CDH13: variants seen among roughly 807,000 people sequenced by gnomAD.
The protein encoded by CDH13 is cadherin-13.
A neutral mutation model predicts 63.8 loss-of-function variants in CDH13; 24 were observed. That is an observed-to-expected ratio of 0.38 (90% CI 0.27 to 0.53). The LOEUF is 0.53. Ranked by LOEUF, CDH13 falls within the 20% of genes least tolerant of loss-of-function variation. CDH13 has a pLI of 0.85. For synonymous variants in CDH13, 503 were observed against 355.3 expected (o/e 1.42, Z -4.67); for missense variants, 1,049 against 903.1 (o/e 1.16, Z -2.07).
intron 6 of CDH13, among the ~76,000 whole-genome samples, chr16:83,416,723 A>C (rs2071560164): frequency 6.6e-6 from 1 of 152,196 alleles, no homozygotes; most frequent in South Asian, 2.1e-4. Flanking sequence ...AGTGCAGAGC[A>C]GAAAGATGAA....
chr16:83,046,161 T>A (rs891795314), intron 3 of CDH13, among the ~76,000 whole-genome samples: 1 of 152,230 alleles, frequency 6.6e-6, no homozygotes, highest in African/African-American at 2.4e-5. Context: ...AATAGAAACC[T>A]CTTTTCCTCT....
At chr16:82,902,410 C>T (rs758803893) in intron 2 of CDH13, among the ~76,000 whole-genome samples, 1 of 151,356 alleles carries the variant, frequency 6.6e-6, no homozygotes, top group Non-Finnish European at 1.5e-5. Context: ...AAAGTCCCAG[C>T]ATTAGTTGAG....
intron 6 of CDH13, among the ~76,000 whole-genome samples, chr16:83,420,067 GC>G (rs1318102768): frequency 6.6e-6 from 1 of 151,856 alleles, no homozygotes; most frequent in Non-Finnish European, 1.5e-5. Flanking sequence ...TAAATAGAGG[GC>G]AAAGAATTTC....
chr16:83,690,606 C>T (rs527540293), intron 10 of CDH13, among the ~76,000 whole-genome samples: 4 of 152,240 alleles, frequency 2.6e-5, no homozygotes, highest in Admixed American at 1.3e-4. Context: ...GAGACAGAGG[C>T]AGAGCAGAGG....
rs1567617441 is a variant in CDH13 at position 83,362,038 on chromosome 16, A to G, written c.781+17032A>G. On this transcript the variant is annotated intron_variant, in intron 6 of 13. Coordinates refer to ENST00000567109, the MANE Select transcript of CDH13 (RefSeq NM_001257.5). ...CAGTATCTCATCTGTTTTTGTGTTT[A>G]TCTCACTTTAAGGAATCTCCATCTA... Among the ~76,000 whole-genome samples, 6 of 152,138 alleles carry G rather than the reference A, an allele frequency of 3.9e-5. No individual in the cohort carries two copies. In the South Asian group the frequency reaches 1.2e-3, roughly 31 times the overall value.
chr16:83,115,709 G>A (rs1224453690), intron 3 of CDH13, among the ~76,000 whole-genome samples: 2 of 152,236 alleles, frequency 1.3e-5, no homozygotes, highest in Non-Finnish European at 2.9e-5. Flanking sequence ...CTTCTGCAAT[G>A]CTTTGCCTTG....
intron 10 of CDH13, among the ~76,000 whole-genome samples, chr16:83,695,727 C>A (rs918166287): frequency 6.6e-6 from 1 of 152,062 alleles, no homozygotes; most frequent in African/African-American, 2.4e-5. Flanking sequence ...TGAACAGTAA[C>A]TAAATAGAAA....
intron 5 of CDH13, among the ~76,000 whole-genome samples, chr16:83,273,862 G>A (rs1307799868): frequency 1.3e-5 from 2 of 152,136 alleles, no homozygotes; most frequent in Admixed American, 6.5e-5. Context: ...GGGTGAAAAG[G>A]CCACCCTTGA....
intron 7 of CDH13, among the ~76,000 whole-genome samples, chr16:83,563,609 G>A (rs915119595): frequency 6.6e-6 from 1 of 152,104 alleles, no homozygotes; most frequent in African/African-American, 2.4e-5. Context: ...ATAGCCTTAC[G>A]AATCCTTTTG....
intron 4 of CDH13, among the ~76,000 whole-genome samples, chr16:83,187,904 C>G (rs1379957689): frequency 6.6e-6 from 1 of 152,096 alleles, no homozygotes; most frequent in African/African-American, 2.4e-5. Context: ...AACTGATGAA[C>G]TGGGATGAGT....
rs1167119840 is a variant in CDH13 at position 82,714,782 on chromosome 16, A to G, written c.45+87645A>G. Among the ~76,000 whole-genome samples the G allele has an allele frequency of 2.7e-5, 4 of 146,522 alleles. No homozygotes were observed. In the East Asian group the frequency reaches 8.1e-4, roughly 30 times the overall value. ...AGAACTTGTGTGATGATGGAGGCAA[A>G]AACTGGGGTGACGCAGCTACAATTC... On this transcript the variant is annotated intron_variant, in intron 1 of 13. Transcript: ENST00000567109.
chr16:82,967,708 G>T (rs1456447913), intron 2 of CDH13, among the ~76,000 whole-genome samples: 1 of 152,190 alleles, frequency 6.6e-6, no homozygotes, highest in Non-Finnish European at 1.5e-5. Context: ...TTGCATTTGT[G>T]GCAAGAACCT....
chr16:83,442,956 T>C (rs1386359098), intron 6 of CDH13, among the ~76,000 whole-genome samples: 1 of 152,234 alleles, frequency 6.6e-6, no homozygotes, highest in Non-Finnish European at 1.5e-5. Context: ...TAAGATCATA[T>C]GGCTTTTCCT....
chr16:83,504,461 G>GCC (rs2074352503), intron 7 of CDH13, among the ~76,000 whole-genome samples: 1 of 152,222 alleles, frequency 6.6e-6, no homozygotes, highest in Non-Finnish European at 1.5e-5. Flanking sequence ...AGCCTGTCCA[G>GCC]TGTCGCTACC....
intron 8 of CDH13, among the ~76,000 whole-genome samples, chr16:83,657,115 T>C (rs541659054): frequency 6.6e-6 from 1 of 152,328 alleles, no homozygotes; most frequent in South Asian, 2.1e-4. Flanking sequence ...GCATATGTAA[T>C]GGCAAAATGA....
chr16:83,059,677 C>A, intron 3 of CDH13, among the ~76,000 whole-genome samples: 1 of 151,976 alleles, frequency 6.6e-6, no homozygotes, highest in East Asian at 1.9e-4. Context: ...CTTTCTGGTT[C>A]CATGACACAC....
intron 4 of CDH13, among the ~76,000 whole-genome samples, chr16:83,167,074 C>T (rs2037709226): frequency 6.6e-6 from 1 of 152,020 alleles, no homozygotes; most frequent in Non-Finnish European, 1.5e-5. Flanking sequence ...GCAGATTTCT[C>T]CTGGTGTTTT....
At chr16:83,119,803 T>C (rs2035482695) in intron 3 of CDH13, among the ~76,000 whole-genome samples, 1 of 152,290 alleles carries the variant, frequency 6.6e-6, no homozygotes, top group Admixed American at 6.5e-5. Flanking sequence ...CAGAAACATA[T>C]GGCAGAACAC....
chr16:83,626,436 C>T (rs1910312715), intron 8 of CDH13, among the ~76,000 whole-genome samples: 2 of 152,048 alleles, frequency 1.3e-5, no homozygotes, highest in Non-Finnish European at 2.9e-5. Flanking sequence ...ATTCTGCAGG[C>T]GTTAATGAAG....
Sources: allele counts gnomAD v4.1 joint callset (sites outside exome capture counted in the v4.1 genomes callset), GRCh38; gene constraint gnomAD v4.1.1; transcripts MANE v1.5; gene names NCBI Gene and HGNC (gene_info 2026-07-23, HGNC 2026-07-21).